The following PTPRC variants were observed in gnomAD, a reference collection of about 807,000 sequenced individuals.
PTPRC encodes protein tyrosine phosphatase receptor type C.
A neutral mutation model predicts 155.9 loss-of-function variants in PTPRC; 44 were observed. The observed-to-expected ratio is 0.28, with a 90% CI of 0.22 to 0.36. The LOEUF (loss-of-function observed/expected upper bound fraction) is 0.36, where lower values mean the gene tolerates loss of function less well. Among genes scored for constraint, PTPRC ranks in the 10% least tolerant of loss-of-function variants. The probability of loss-of-function intolerance (pLI) is 1.00; values close to 1 mark genes in which losing one functional copy is unlikely to be tolerated. For synonymous variants in PTPRC, 525 were observed against 533.1 expected, an observed-to-expected ratio of 0.98 and a Z score of 0.21; for missense variants, 1,401 against 1,564.6, an observed-to-expected ratio of 0.90 and a Z score of 1.76.
chr1:198,754,061 C>G (rs1348216813), intron 31 of PTPRC, among the ~76,000 whole-genome samples: 1 of 151,962 alleles, frequency 6.6e-6, no homozygotes, highest in African/African-American at 2.4e-5. Flanking sequence ...AATAAGTTTT[C>G]AATTCCAGGA....
At chr1:198,744,317 A>G (rs1655043601) in intron 26 of PTPRC, 114 bp downstream of exon 26, 2 of 1,079,052 alleles carry the variant, frequency 1.9e-6, no homozygotes, top group Non-Finnish European at 2.8e-6. Context: ...TCTTCACCAG[A>G]ACCAAAGGAG....
rs114600564 is a variant in PTPRC at position 198,645,175 on chromosome 1, C to A, written c.73+5834C>A. Among the ~76,000 whole-genome samples, 1,224 of 151,820 alleles carry A rather than the reference C, an allele frequency of 8.1e-3. 15 individuals are homozygous for A. The highest frequency in any genetic ancestry group is 0.028 in the African/African-American group (1,148 of 41,470). ...CTGGTATAGCAAACTTGATAGAAAT[C>A]ACTGATAGACAAGAAGACATTCTCT... On this transcript the variant is annotated intron_variant, in intron 2 of 32. Coordinates refer to ENST00000442510, the MANE Select transcript of PTPRC (RefSeq NM_002838.5).
intron 32 of PTPRC, 136 bp from the exon 33 acceptor site, chr1:198,755,770 A>T: frequency 2.2e-6 from 2 of 927,682 alleles, no homozygotes; most frequent in South Asian, 3.0e-5. Flanking sequence ...TGTTTTTATG[A>T]GAACATATCA....
At chr1:198,741,232 G>C (rs1654884952) in intron 23 of PTPRC, among the ~76,000 whole-genome samples, 1 of 151,770 alleles carries the variant, frequency 6.6e-6, no homozygotes, top group Non-Finnish European at 1.5e-5. Flanking sequence ...ATAGAATTAT[G>C]ACTTATGCAT....
chr1:198,679,266 C>T (rs1665147380), intron 2 of PTPRC: 1 of 151,626 alleles, frequency 6.6e-6, no homozygotes, highest in Admixed American at 6.6e-5. Flanking sequence ...CGGAGTCTCG[C>T]CTTGTCGCCA....
chr1:198,642,924 C>CTTTCTTTA, intron 2 of PTPRC, among the ~76,000 whole-genome samples: 1 of 146,478 alleles, frequency 6.8e-6, no homozygotes, highest in African/African-American at 2.5e-5. Context: ...TTCTTTCTTT[C>CTTTCTTTA]TTTCTTTCTT....
At chr1:198,747,804 G>T (rs1028118846) in intron 26 of PTPRC, among the ~76,000 whole-genome samples, 1 of 151,720 alleles carries the variant, frequency 6.6e-6, no homozygotes, top group Non-Finnish European at 1.5e-5. Context: ...GATCAACATC[G>T]GTCTAGTGGT....
At chr1:198,711,998 G>GA (rs1653335458) in intron 11 of PTPRC, among the ~76,000 whole-genome samples, 1 of 152,170 alleles carries the variant, frequency 6.6e-6, no homozygotes, top group African/African-American at 2.4e-5. Flanking sequence ...GTGCAGCCAT[G>GA]ACCCAGGAAT....
chr1:198,726,395 C>T (rs1654135303), intron 15 of PTPRC, among the ~76,000 whole-genome samples: 1 of 152,152 alleles, frequency 6.6e-6, no homozygotes, highest in African/African-American at 2.4e-5. Context: ...TCACTGCAAT[C>T]CACCTATATA....
chr1:198,732,164 T>C, intron 18 of PTPRC, 136 bp from the exon 19 acceptor site: 2 of 742,582 alleles, frequency 2.7e-6, no homozygotes, highest in South Asian at 3.2e-5. Flanking sequence ...TAATTTTGAT[T>C]ACTCTAAGCA....
chr1:198,729,859 T>A (rs1157615709), intron 17 of PTPRC, among the ~76,000 whole-genome samples: 1 of 152,032 alleles, frequency 6.6e-6, no homozygotes, highest in African/African-American at 2.4e-5. Context: ...ATCTGGTCTG[T>A]TAAGATTGTG....
chr1:198,641,468 T>C (rs558192879), intron 2 of PTPRC, among the ~76,000 whole-genome samples: 2 of 152,144 alleles, frequency 1.3e-5, no homozygotes, highest in African/African-American at 2.4e-5. Context: ...GAGCCATCAA[T>C]GGTAACTCTA....
chr1:198,662,960 T>A (rs1287568095), intron 2 of PTPRC, among the ~76,000 whole-genome samples: 1 of 152,120 alleles, frequency 6.6e-6, no homozygotes, highest in Non-Finnish European at 1.5e-5. Context: ...ATTGTACACA[T>A]GTGGGAGGGA....
chr1:198,755,554 T>G (rs1214620533), intron 32 of PTPRC, among the ~76,000 whole-genome samples: 2 of 152,018 alleles, frequency 1.3e-5, no homozygotes. Flanking sequence ...AAGAAACGCT[T>G]CTCGAAGCAG....
chr1:198,697,647 T>G (rs1257563447), intron 4 of PTPRC, among the ~76,000 whole-genome samples: 1 of 152,240 alleles, frequency 6.6e-6, no homozygotes, highest in African/African-American at 2.4e-5. Flanking sequence ...CAGTAGAGTG[T>G]TCATGCTTTT....
chr1:198,656,672 T>A (rs2102234978), intron 2 of PTPRC, among the ~76,000 whole-genome samples: 1 of 148,544 alleles, frequency 6.7e-6, no homozygotes, highest in South Asian at 2.1e-4. Flanking sequence ...TTTTTTGTCA[T>A]ACATTACTGC....
chr1:198,734,159 T>G, intron 20 of PTPRC, 37 bp from the exon 21 acceptor site: 1 of 1,597,750 alleles, frequency 6.3e-7, no homozygotes, highest in Non-Finnish European at 8.6e-7. Context: ...AATTGAATGT[T>G]CAGCAAATGA....
Position 198,756,327 on chromosome 1 carries a change from G to C in PTPRC, c.*146G>C. The C allele has an allele frequency of 9.4e-7, 1 of 1,069,014 alleles. No homozygotes were observed. Among genetic ancestry groups the C allele is most frequent in the Non-Finnish European group, 1.3e-6 (1 of 744,686 alleles). 66.2% of individuals were successfully genotyped at this position (1,069,014 alleles called of 1,614,324 possible). On this transcript the variant is annotated 3_prime_UTR_variant, in exon 33 of 33. Coordinates refer to ENST00000442510, the MANE Select transcript of PTPRC (RefSeq NM_002838.5). The stretch of plus-strand genomic sequence containing the variant: ...AGAAGGGTTATATTTTACTACTGTG[G>C]AAAAATATTTAAGATAGTTTTGCCA...
chr1:198,681,022 A>G (rs953727493), intron 2 of PTPRC, among the ~76,000 whole-genome samples: 62 of 152,196 alleles, frequency 4.1e-4, no homozygotes, highest in African/African-American at 1.4e-3. Flanking sequence ...AGATATTATG[A>G]GGATTGTATA....
Sources: gnomAD v4.1 joint callset for allele counts (sites outside exome capture counted in the v4.1 genomes callset) on GRCh38, gnomAD v4.1.1 for gene constraint, MANE v1.5 for transcripts, NCBI Gene and HGNC (gene_info 2026-07-23, HGNC 2026-07-21) for gene names.